The following CSMD1 variants were observed in gnomAD, a reference collection of about 807,000 sequenced individuals.
CSMD1 encodes the protein CUB and sushi domain-containing protein 1.
Under a neutral mutation model 417.5 loss-of-function variants are expected in CSMD1, and 213 were observed. The observed-to-expected ratio is 0.51, with a 90% CI of 0.46 to 0.57. The LOEUF (loss-of-function observed/expected upper bound fraction) is 0.57. Ranked by LOEUF, CSMD1 falls within the 20% of genes least tolerant of loss-of-function variation. The probability of loss-of-function intolerance (pLI) is 0.00; values close to 1 mark genes in which losing one functional copy is unlikely to be tolerated. For synonymous variants in CSMD1, 2,862 were observed against 1,736.8 expected (o/e 1.65, Z -16.11); for missense variants, 6,923 against 4,529.7 (o/e 1.53, Z -15.17).
intron 5 of CSMD1, among the ~76,000 whole-genome samples, chr8:3,766,295 C>G (rs1257396845): frequency 1.3e-5 from 2 of 152,136 alleles, no homozygotes; most frequent in Non-Finnish European, 2.9e-5. Flanking sequence ...GAGGACCCTC[C>G]ACGGGTGACG....
At chr8:4,946,674 G>A (rs965361363) in intron 1 of CSMD1, among the ~76,000 whole-genome samples, 3 of 152,116 alleles carry the variant, frequency 2.0e-5, no homozygotes, top group East Asian at 1.9e-4. Flanking sequence ...AAGCAATGTG[G>A]TAACAATTGT....
intron 1 of CSMD1, among the ~76,000 whole-genome samples, chr8:4,960,542 T>G (rs978933248): frequency 1.3e-5 from 2 of 152,202 alleles, no homozygotes; most frequent in African/African-American, 4.8e-5. Context: ...CGCTTGTACA[T>G]CTTATGTTAA....
chr8:3,735,284 C>G (rs867735346), intron 6 of CSMD1, among the ~76,000 whole-genome samples: 1 of 150,358 alleles, frequency 6.7e-6, no homozygotes, highest in African/African-American at 2.4e-5. Flanking sequence ...TTGGCTTATA[C>G]ATCATATATG....
At chr8:3,137,763 T>A (rs920723376) in intron 41 of CSMD1, among the ~76,000 whole-genome samples, 1 of 152,198 alleles carries the variant, frequency 6.6e-6, no homozygotes, top group African/African-American at 2.4e-5. Flanking sequence ...GCATGTTCAG[T>A]GGAAACACAA....
chr8:3,284,573 A>C, intron 25 of CSMD1: 1 of 537,048 alleles, frequency 1.9e-6, no homozygotes, highest in Non-Finnish European at 3.4e-6. Context: ...ATGGACGCAG[A>C]GAGATAGGTG....
intron 1 of CSMD1, among the ~76,000 whole-genome samples, chr8:4,652,568 C>T (rs778437544): frequency 8.6e-5 from 13 of 151,984 alleles, no homozygotes; most frequent in Non-Finnish European, 1.6e-4. Flanking sequence ...AGGAGAATCG[C>T]TTGAACCCGG....
At chr8:4,396,191 ACAAT>A (rs1474928100) in intron 3 of CSMD1, among the ~76,000 whole-genome samples, 1 of 152,116 alleles carries the variant, frequency 6.6e-6, no homozygotes, top group Non-Finnish European at 1.5e-5. Flanking sequence ...CCAGTTGGGC[ACAAT>A]GACTCACGCC....
intron 1 of CSMD1, among the ~76,000 whole-genome samples, chr8:4,888,636 C>A (rs986175866): frequency 2.6e-5 from 4 of 151,940 alleles, no homozygotes; most frequent in African/African-American, 9.7e-5. Flanking sequence ...AATTGGTAAA[C>A]AGATCTTCAC....
chr8:4,156,143 A>C (rs1179011129), intron 3 of CSMD1, among the ~76,000 whole-genome samples: 1 of 152,090 alleles, frequency 6.6e-6, no homozygotes, highest in African/African-American at 2.4e-5. Context: ...TCTGCCTCAC[A>C]CCACCCAGAG....
intron 10 of CSMD1, among the ~76,000 whole-genome samples, chr8:3,497,328 T>C (rs1796408548): frequency 1.3e-5 from 2 of 152,234 alleles, no homozygotes; most frequent in African/African-American, 4.8e-5. Flanking sequence ...GTCTCTGGTG[T>C]TGGGTGCATA....
At chr8:2,961,666 A>T (rs1209046710) in intron 61 of CSMD1, among the ~76,000 whole-genome samples, 1 of 152,204 alleles carries the variant, frequency 6.6e-6, no homozygotes, top group Non-Finnish European at 1.5e-5. Context: ...ATGCTTCATA[A>T]TGGAACCACA....
At chr8:4,148,791 G>A (rs78526450) in intron 3 of CSMD1, among the ~76,000 whole-genome samples, 1 of 152,078 alleles carries the variant, frequency 6.6e-6, no homozygotes, top group African/African-American at 2.4e-5. Context: ...ATTTCAACAG[G>A]TGCATTGGGA....
intron 5 of CSMD1, among the ~76,000 whole-genome samples, chr8:3,955,093 G>C (rs138492408): frequency 3.3e-5 from 5 of 152,248 alleles, no homozygotes; most frequent in East Asian, 1.9e-4. Context: ...TTTCTAGTGG[G>C]TGCGGGAAAG....
intron 5 of CSMD1, among the ~76,000 whole-genome samples, chr8:3,794,790 T>C (rs948389428): frequency 6.6e-6 from 1 of 151,994 alleles, no homozygotes; most frequent in African/African-American, 2.4e-5. Flanking sequence ...ATCTCTAAAG[T>C]GACAACCAAC....
intron 3 of CSMD1, among the ~76,000 whole-genome samples, chr8:4,183,978 G>C (rs564865439): frequency 1.3e-5 from 2 of 152,262 alleles, no homozygotes; most frequent in African/African-American, 4.8e-5. Context: ...AAAATTCTCA[G>C]AGCCTCCGAC....
intron 25 of CSMD1, among the ~76,000 whole-genome samples, chr8:3,298,913 C>T (rs1169837844): frequency 6.6e-6 from 1 of 152,142 alleles, no homozygotes; most frequent in East Asian, 1.9e-4. Context: ...GGGGGTGTTT[C>T]TTTTGTGAAC....
At chr8:3,886,062 T>A (rs910064386) in intron 5 of CSMD1, among the ~76,000 whole-genome samples, 1 of 151,924 alleles carries the variant, frequency 6.6e-6, no homozygotes, top group Non-Finnish European at 1.5e-5. Flanking sequence ...TTTATTATTA[T>A]TTTTTTGAGA....
intron 3 of CSMD1, among the ~76,000 whole-genome samples, chr8:4,367,069 T>C (rs1480502898): frequency 1.3e-5 from 2 of 152,198 alleles, no homozygotes; most frequent in East Asian, 3.8e-4. Context: ...CTTGTCAATT[T>C]TTATTTTTAT....
chr8:4,102,429 A>T (rs1023659122), intron 3 of CSMD1, among the ~76,000 whole-genome samples: 3 of 152,222 alleles, frequency 2.0e-5, no homozygotes, highest in African/African-American at 7.2e-5. Flanking sequence ...TGATTCTGTC[A>T]TAATAGATTT....
Sources: gnomAD v4.1 joint callset for allele counts (sites outside exome capture counted in the v4.1 genomes callset) on GRCh38, gnomAD v4.1.1 for gene constraint, MANE v1.5 for transcripts, NCBI Gene and HGNC (gene_info 2026-07-23, HGNC 2026-07-21) for gene names.